Variants in TRO observed in about 807,000 individuals in gnomAD.
TRO encodes the protein trophinin.
In TRO, 29 loss-of-function variants were observed where a neutral mutation model predicts 42.3. The ratio of observed to expected loss-of-function variants is 0.68; its 90% CI spans 0.51 to 0.93. The LOEUF (loss-of-function observed/expected upper bound fraction) is 0.93. Among genes scored for constraint, TRO ranks in the 40% least tolerant of loss-of-function variants. The pLI is 0.00. For synonymous variants in TRO, 384 were observed against 425.2 expected (o/e 0.90, Z 1.19); for missense variants, 963 against 1,127.7 (o/e 0.85, Z 2.09).
In TRO at chrX:54,931,311, T is replaced by C; in HGVS notation, c.*119T>C. On this transcript the variant is annotated 3_prime_UTR_variant, in exon 13 of 13. Coordinates refer to ENST00000173898, the MANE Select transcript of TRO (RefSeq NM_001039705.3). The stretch of plus-strand genomic sequence containing the variant: ...GTCCACACAGCAGTCAAGGCAGTTA[T>C]GGCCAATCAGCTGAGGGTGTCATGT... 1 of 1,212,144 alleles carries C rather than the reference T, an allele frequency of 8.2e-7. No individual in the cohort carries two copies. Among genetic ancestry groups the C allele is most frequent in the East Asian group, 3.0e-5 (1 of 33,869 alleles).
At chrX:54,922,095 A>T (rs1479843049) in intron 1 of TRO, 108 bp from the exon 2 acceptor site, 10 of 571,462 alleles carry the variant, frequency 1.7e-5, no homozygotes, top group Non-Finnish European at 2.6e-5. Context: ...TAGGTATGAA[A>T]ACCCAGGAGT....
In TRO at chrX:54,930,455, G is replaced by A; in HGVS notation, c.3731G>A (p.Gly1244Asp). Residue 1244 changes from glycine to aspartate, a missense_variant, in exon 12 of 13, where the codon GGT becomes GAT. Gly to Asp is a moderately conservative substitution (Grantham distance 94, BLOSUM62 -1). Around this residue, in one of 2 missense-constraint regions of TRO, gnomAD observed 641 missense variants for 811.3 expected, o/e 0.79. Transcript: ENST00000173898. Reference sequence around the variant, plus strand: ...AGTTCTGGCTTTGATGGTGGGCTAGGTACCAGCGCTGGCTTCGGTGGAGGA... The same window carrying A: ...AGTTCTGGCTTTGATGGTGGGCTAGATACCAGCGCTGGCTTCGGTGGAGGA... Reference protein sequence around the residue: ...STSSGFDGGLGTSAGFGGGPG... With the variant: ...STSSGFDGGLDTSAGFGGGPG... 8 of 1,210,760 alleles carry A rather than the reference G, an allele frequency of 6.6e-6. No homozygotes were observed. Among genetic ancestry groups the A allele is most frequent in the Non-Finnish European group, 8.9e-6 (8 of 895,165 alleles).
chrX:54,921,857 C>G, intron 1 of TRO: 1 of 144,736 alleles, frequency 6.9e-6, no homozygotes, highest in Non-Finnish European at 1.3e-5. Context: ...TGGGATTGAG[C>G]TGGTTAGAAA....
At position 54,923,415 on chromosome X, in the gene TRO, A is replaced by G. The variant is rs763563163; in HGVS notation, c.883A>G (p.Ile295Val). Residue 295 changes from isoleucine to valine, a missense_variant, in exon 3 of 13, where the codon ATC becomes GTC. By Grantham distance (29) the Ile-to-Val change is conservative (BLOSUM62 3). This residue lies in a region of TRO where 322 missense variants were observed against 316.5 expected (regional missense o/e 1.02). Transcript: ENST00000173898. ...GCAGATTGAGGCCTCAGTAGTGGCT[A>G]TCAGGCCCAAAAAATCCAAGGGCAA... ...TRQIEASVVA[I>V]RPKKSKGKKA... The G allele has an allele frequency of 2.9e-5, 35 of 1,197,431 alleles. No homozygotes were observed. Among genetic ancestry groups the G allele is most frequent in the African/African-American group, 7.0e-5 (4 of 57,172 alleles).
rs367964105 is a variant in TRO, at chrX:54,923,499, A to G, written c.967A>G (p.Thr323Ala). Residue 323 changes from threonine to alanine, a missense_variant, in exon 3 of 13, where the codon ACT becomes GCT. Transcript: ENST00000173898. ...VSEISEAPLA[T>A]QIVTNQALAA... ...TGAGATCTCTGAGGCCCCACTTGCC[A>G]CTCAGATAGTCACAAACCAAGCCCT... 6.9e-5 allele frequency: 82 copies of G among 1,185,037 alleles called. No homozygotes were observed. Among genetic ancestry groups the G allele is most frequent in the Non-Finnish European group, 8.8e-5 (78 of 881,728 alleles).
At chrX:54,927,141 T>C (rs762984249) in intron 10 of TRO, 36 bp downstream of exon 10, 81 of 1,194,934 alleles carry the variant, frequency 6.8e-5, no homozygotes, top group South Asian at 6.6e-4. Context: ...GGCCCTGAAG[T>C]GTTCTGGGTA....
Position 54,929,764 on chromosome X carries a change from G to A in TRO, c.3040G>A (p.Gly1014Ser), listed in dbSNP as rs1254185199. Residue 1014 changes from glycine to serine, a missense_variant, in exon 12 of 13, where the codon GGC becomes AGC. By Grantham distance (56) the Gly-to-Ser change is moderately conservative. Transcript: ENST00000173898. ...CAGTGTCTGCTTTGGTGGCTCTCCT[G>A]GCACCAGTGTCAGCTTTGGCAGTGC... ...STSVCFGGSP[G>S]TSVSFGSALN... 13 of 1,209,314 alleles carry A rather than the reference G, an allele frequency of 1.1e-5. No homozygotes were observed. The highest frequency in any genetic ancestry group is 1.2e-5 in the Non-Finnish European group (11 of 894,589).
chrX:54,924,667 C>A lies in TRO; in HGVS notation c.1342-3C>A, dbSNP rs1876041029. 2 of 1,209,898 alleles carry A rather than the reference C, an allele frequency of 1.7e-6. No individual in the cohort carries two copies. The highest frequency in any genetic ancestry group is 2.2e-5 in the Admixed American group (1 of 45,827). ...ATCTCTCCATCTATTCCTCTCCTCC[C>A]AGGCTAATAAGTTGGTGAAATACCT... is the stretch of plus-strand genomic sequence containing the variant. On this transcript the variant is annotated splice_region_variant and splice_polypyrimidine_tract_variant and intron_variant, in intron 4 of 12. Transcript: ENST00000173898.
rs750501048 is a variant in TRO, at chrX:54,930,760, G to A, written c.4036G>A (p.Gly1346Ser). 2 of 1,212,125 alleles carry A rather than the reference G, an allele frequency of 1.6e-6. No homozygotes were observed. Among genetic ancestry groups the A allele is most frequent in the Non-Finnish European group, 2.2e-6 (2 of 895,574 alleles). ...GFGSGSNTST[G>S]FTGEPSTSTG... ...TGGCAGTGGTTCCAACACCAGCACT[G>A]GCTTTACTGGCGAACCCAGCACCAG... The change falls in exon 12 of 13, where the codon GGC becomes AGC. Residue 1346 changes from glycine to serine, a missense_variant. Gly to Ser is a moderately conservative substitution (Grantham distance 56, BLOSUM62 0). This residue lies in a region of TRO where 641 missense variants were observed against 811.3 expected (regional missense o/e 0.79). Transcript: ENST00000173898.
chrX:54,929,298 C>G lies in TRO; in HGVS notation c.2574C>G (p.Gly858=). 8.3e-7 allele frequency: 1 copy of G among 1,211,974 alleles called. No homozygotes were observed. The highest frequency in any genetic ancestry group is 1.1e-6 in the Non-Finnish European group (1 of 895,470). The part of the protein sequence containing the change: ...GFGGTLSTTA[G]FSGVLSTSTS... ...GAGGCACACTCAGCACCACGGCTGGCTTTAGTGGTGTACTCAGCACTAGCA... is the reference window on the plus strand; with the variant it reads ...GAGGCACACTCAGCACCACGGCTGGGTTTAGTGGTGTACTCAGCACTAGCA... The change falls in exon 12 of 13, where the codon GGC becomes GGG. Residue 858 remains glycine (G), a synonymous_variant. Transcript: ENST00000173898.
At position 54,924,997 on chromosome X, in the gene TRO, A is replaced by G; in HGVS notation, c.1414A>G (p.Arg472Gly). The change falls in exon 6 of 13, where the codon AGG becomes GGG. Residue 472 changes from arginine to glycine, a missense_variant. Around this residue, in one of 2 missense-constraint regions of TRO, gnomAD observed 641 missense variants for 811.3 expected, o/e 0.79. Transcript: ENST00000173898. ...KIPIKRSDMLRDVIQEYDEYF... is the reference protein window; with the variant it reads ...KIPIKRSDMLGDVIQEYDEYF... ...CCTCTCCTTTTCTACAGACATGCTG[A>G]GGGATGTCATCCAAGAATATGATGA... 1 of 1,210,690 alleles carries G rather than the reference A, an allele frequency of 8.3e-7. No individual in the cohort carries two copies. The highest frequency in any genetic ancestry group is 1.1e-6 in the Non-Finnish European group (1 of 894,563).
chrX:54,927,202 T>C, intron 10 of TRO, 97 bp downstream of exon 10: 5 of 957,408 alleles, frequency 5.2e-6, no homozygotes, highest in Non-Finnish European at 5.9e-6. Context: ...TATACTAGCT[T>C]TAGAGGGATG....
Position 54,931,389 on chromosome X carries a change from G to A in TRO, c.*197G>A, listed in dbSNP as rs1165634858. On this transcript the variant is annotated 3_prime_UTR_variant, in exon 13 of 13. Transcript: ENST00000173898. Reference sequence around the variant, plus strand: ...CTTTATTGTTTGCTTTCTGTGTGCTGTCATATTTTGGTATCAGAGTTACAT... The same window carrying A: ...CTTTATTGTTTGCTTTCTGTGTGCTATCATATTTTGGTATCAGAGTTACAT... 2 of 1,156,400 alleles carry A rather than the reference G, an allele frequency of 1.7e-6. No homozygotes were observed. Among genetic ancestry groups the A allele is most frequent in the African/African-American group, 3.5e-5 (2 of 56,591 alleles).
chrX:54,926,508 A>G lies in TRO; in HGVS notation c.1657+19A>G, dbSNP rs1346471221. 4 of 1,210,300 alleles carry G rather than the reference A, an allele frequency of 3.3e-6. No homozygotes were observed. Among genetic ancestry groups the G allele is most frequent in the Admixed American group, 2.2e-5 (1 of 45,870 alleles). ...AGTGAGGGTGAGTGGCTGGGCATGC[A>G]GCTGAATGGGCGGCCATGGTCTGGA... On this transcript the variant is annotated intron_variant, in intron 8 of 12. Transcript: ENST00000173898.
chrX:54,928,453 G>T (rs1398905257), intron 11 of TRO, 150 bp from the exon 12 acceptor site: 1 of 644,805 alleles, frequency 1.6e-6, no homozygotes, highest in Non-Finnish European at 2.2e-6. Context: ...AGTCAGCAGA[G>T]CTGAAACTGG....
chrX:54,924,582 T>G (rs1464182696), intron 4 of TRO, 27 bp downstream of exon 4: 1 of 1,200,484 alleles, frequency 8.3e-7, no homozygotes, highest in South Asian at 1.8e-5. Context: ...GTCCAGTCTC[T>G]TCTCTTCTTC....
intron 1 of TRO, 200 bp from the exon 2 acceptor site, chrX:54,922,003 G>A: frequency 2.9e-6 from 1 of 339,210 alleles, no homozygotes; most frequent in Admixed American, 5.2e-5. Flanking sequence ...CGGAGGGGGC[G>A]TGTAAAGGGG....
At chrX:54,927,601 C>G in intron 10 of TRO, 66 bp from the exon 11 acceptor site, 1 of 886,107 alleles carries the variant, frequency 1.1e-6, no homozygotes, top group African/African-American at 2.0e-5. Context: ...AGGTTGCCAC[C>G]TGGTGTCTAG....
At position 54,923,505 on chromosome X, in the gene TRO, A is replaced by C; in HGVS notation, c.973A>C (p.Ile325Leu). 8.4e-7 allele frequency: 1 copy of C among 1,186,578 alleles called. No individual in the cohort carries two copies. Among genetic ancestry groups the C allele is most frequent in the South Asian group, 1.8e-5 (1 of 54,064 alleles). Residue 325 changes from isoleucine to leucine, a missense_variant, in exon 3 of 13, where the codon ATA becomes CTA. By Grantham distance (5) the Ile-to-Leu change is conservative (BLOSUM62 2). Around this residue, in one of 2 missense-constraint regions of TRO, gnomAD observed 322 missense variants for 316.5 expected, o/e 1.02. Coordinates refer to ENST00000173898, the MANE Select transcript of TRO (RefSeq NM_001039705.3). ...EISEAPLATQ[I>L]VTNQALAATL... Reference sequence around the variant, plus strand: ...CTCTGAGGCCCCACTTGCCACTCAGATAGTCACAAACCAAGCCCTGGCAGC... The same window carrying C: ...CTCTGAGGCCCCACTTGCCACTCAGCTAGTCACAAACCAAGCCCTGGCAGC...
Sources: gnomAD v4.1 joint callset for allele counts on GRCh38, gnomAD v4.1.1 for gene constraint, gnomAD v4.1.1 regional missense constraint, MANE v1.5 for transcripts, NCBI Gene and HGNC (gene_info 2026-07-23, HGNC 2026-07-21) for gene names.